The following WDHD1 variants were observed in gnomAD, a reference collection of about 807,000 sequenced individuals.
WDHD1 encodes WD repeat and HMG-box DNA binding protein 1.
In WDHD1, 111 loss-of-function variants were observed where a neutral mutation model predicts 135.4. The ratio of observed to expected loss-of-function variants is 0.82; its 90% CI spans 0.70 to 0.96. The LOEUF (loss-of-function observed/expected upper bound fraction) is 0.96, where lower values mean the gene tolerates loss of function less well. Among genes scored for constraint, WDHD1 ranks in the 40% least tolerant of loss-of-function variants. The pLI is 0.00. For synonymous variants in WDHD1, 434 were observed against 439.0 expected, an observed-to-expected ratio of 0.99 and a Z score of 0.14; for missense variants, 1,351 against 1,336.3, an observed-to-expected ratio of 1.01 and a Z score of -0.17.
At chr14:54,990,716 T>C (rs1239049824) in intron 12 of WDHD1, among the ~76,000 whole-genome samples, 1 of 152,124 alleles carries the variant, frequency 6.6e-6, no homozygotes, top group Non-Finnish European at 1.5e-5. Flanking sequence ...TAAGAACATA[T>C]CAGTAAACAA....
chr14:54,971,712 C>CAAAAAAAAAAAA (rs1195129802), intron 16 of WDHD1, among the ~76,000 whole-genome samples: 1 of 42,278 alleles, frequency 2.4e-5, no homozygotes. Flanking sequence ...GACTCTGCCT[C>CAAAAAAAAAAAA]AAAAAAAAAA....
At chr14:55,019,364 C>T (rs2042308251) in intron 2 of WDHD1, among the ~76,000 whole-genome samples, 1 of 151,732 alleles carries the variant, frequency 6.6e-6, no homozygotes, top group South Asian at 2.1e-4. Context: ...AAAATTATAC[C>T]TTTGTTTCAA....
intron 16 of WDHD1, among the ~76,000 whole-genome samples, chr14:54,975,492 C>T (rs1008968702): frequency 2.0e-5 from 3 of 152,036 alleles, no homozygotes; most frequent in Non-Finnish European, 2.9e-5. Flanking sequence ...GGATTACAGG[C>T]ATCTGCCACC....
At position 55,000,511 on chromosome 14, in the gene WDHD1, T is replaced by C. The variant is rs377638427; in HGVS notation, c.934A>G (p.Ser312Gly). ...NVCDPSGKTSSSKVSSRVEKD... is the reference protein window; with the variant it reads ...NVCDPSGKTSGSKVSSRVEKD... Reference sequence around the variant, plus strand: ...ACCATACTCCCTTTTACCTTACTGCTTGATGTCTTTCCACTGGGGTCACAA... The same window carrying C: ...ACCATACTCCCTTTTACCTTACTGCCTGATGTCTTTCCACTGGGGTCACAA... The change falls in exon 10 of 26, where the codon AGC (serine) becomes GGC (glycine). Residue 312 changes from serine to glycine, a missense_variant. Physicochemically the swap from Ser to Gly is moderately conservative, Grantham distance 56. Transcript: ENST00000360586. The C allele has an allele frequency of 2.7e-5, 44 of 1,603,774 alleles. No individual in the cohort carries two copies. Among genetic ancestry groups the C allele is most frequent in the Non-Finnish European group, 3.5e-5 (41 of 1,174,860 alleles).
intron 2 of WDHD1, among the ~76,000 whole-genome samples, chr14:55,018,931 G>A (rs1407234183): frequency 6.6e-6 from 1 of 152,224 alleles, no homozygotes; most frequent in African/African-American, 2.4e-5. Flanking sequence ...GCTGAGGCAG[G>A]AGAATTGCTT....
intron 16 of WDHD1, among the ~76,000 whole-genome samples, chr14:54,970,621 C>CAAA (rs202021020): frequency 4.6e-5 from 6 of 130,640 alleles, no homozygotes; most frequent in Admixed American, 1.6e-4. Flanking sequence ...GTCACAGCAC[C>CAAA]AAAAAAAAAA....
chr14:54,986,170 A>G (rs1420657246), intron 14 of WDHD1, among the ~76,000 whole-genome samples: 1 of 152,328 alleles, frequency 6.6e-6, no homozygotes, highest in East Asian at 1.9e-4. Flanking sequence ...TTTTGACCTA[A>G]GAGTCATGGA....
At chr14:54,984,376 T>C (rs2041664942) in intron 15 of WDHD1, among the ~76,000 whole-genome samples, 2 of 152,134 alleles carry the variant, frequency 1.3e-5, no homozygotes, top group Non-Finnish European at 2.9e-5. Flanking sequence ...ATGCCTGTAG[T>C]CCCAGCTACT....
chr14:55,021,797 C>T (rs2042352967), intron 2 of WDHD1, among the ~76,000 whole-genome samples: 2 of 152,224 alleles, frequency 1.3e-5, no homozygotes, highest in South Asian at 4.1e-4. Context: ...ACTGGCTCTG[C>T]TGTCAATCTT....
In WDHD1 at chr14:54,991,350, C is replaced by A. The variant is rs1566730699; in HGVS notation, c.1204G>T (p.Asp402Tyr). ...TTGTGAATGCTGCCTTCTTGACCATCTTCCTCCTCCTCTTTGAGAAGACTA... is the reference window on the plus strand; with the variant it reads ...TTGTGAATGCTGCCTTCTTGACCATATTCCTCCTCCTCTTTGAGAAGACTA... ...GSSLLKEEEE[D>Y]GQEGSIHNLP... The change falls in exon 12 of 26, where the codon GAT becomes TAT. Residue 402 changes from aspartate to tyrosine, a missense_variant. This residue lies in a region of WDHD1 where 1,330 missense variants were observed against 1,296.1 expected (regional missense o/e 1.03). Coordinates refer to ENST00000360586, the MANE Select transcript of WDHD1 (RefSeq NM_007086.4). 1 of 1,614,186 alleles carries A rather than the reference C, an allele frequency of 6.2e-7. No homozygotes were observed. Among genetic ancestry groups the A allele is most frequent in the Non-Finnish European group, 8.5e-7 (1 of 1,180,030 alleles).
intron 2 of WDHD1, among the ~76,000 whole-genome samples, chr14:55,017,299 T>C (rs2042276777): frequency 6.6e-6 from 1 of 152,210 alleles, no homozygotes. Flanking sequence ...AATAACTACA[T>C]ATTAATTTTA....
At chr14:54,967,441 T>A (rs2041363287) in intron 16 of WDHD1, 47 bp from the exon 17 acceptor site, 4 of 1,416,268 alleles carry the variant, frequency 2.8e-6, no homozygotes, top group Non-Finnish European at 2.9e-6. Context: ...TAACATGTCA[T>A]AAAAACTACA....
intron 1 of WDHD1, 83 bp downstream of exon 1, chr14:55,026,945 A>C: frequency 2.8e-6 from 2 of 713,254 alleles, no homozygotes. Context: ...CAGCGGGATA[A>C]GGCAGAGGGT....
intron 24 of WDHD1, among the ~76,000 whole-genome samples, chr14:54,946,886 A>T (rs1318377347): frequency 6.6e-6 from 1 of 152,180 alleles, no homozygotes; most frequent in African/African-American, 2.4e-5. Context: ...CTACCAAAAA[A>T]TAACAAAATT....
At position 54,981,661 on chromosome 14, in the gene WDHD1, G is replaced by A. The variant is rs761619725; in HGVS notation, c.1942C>T (p.Arg648Ter). 38 of 1,610,522 alleles carry A rather than the reference G, an allele frequency of 2.4e-5. No individual in the cohort carries two copies. The highest frequency in any genetic ancestry group is 2.7e-5 in the African/African-American group (2 of 74,782). The change falls in exon 16 of 26, where the codon CGA (arginine) becomes TGA (stop). Residue 648 changes from arginine to a stop codon, truncating the protein, a stop_gained. Transcript: ENST00000360586. LOFTEE classifies it high-confidence loss of function. ...PCYVDSEGIVRMLNRGLGNTW... is the reference protein window; with the variant it reads ...PCYVDSEGIV ...TTACCAAGTCCTCTGTTAAGCATTCGAACAATTCCTTCTGAATCCACGTAA... is the reference window on the plus strand; with the variant it reads ...TTACCAAGTCCTCTGTTAAGCATTCAAACAATTCCTTCTGAATCCACGTAA...
intron 21 of WDHD1, among the ~76,000 whole-genome samples, chr14:54,959,791 C>CA (rs1205670670): frequency 6.6e-6 from 1 of 151,808 alleles, no homozygotes; most frequent in African/African-American, 2.4e-5. Context: ...CGCACCCCCC[C>CA]CACCAAACAA....
chr14:54,967,220 G>T, intron 17 of WDHD1, 60 bp downstream of exon 17: 1 of 1,267,740 alleles, frequency 7.9e-7, no homozygotes, highest in Non-Finnish European at 1.1e-6. Context: ...ATTTTAAAGT[G>T]TGTGTATCAC....
intron 24 of WDHD1, among the ~76,000 whole-genome samples, chr14:54,946,749 A>C (rs1365054958): frequency 6.6e-6 from 1 of 152,208 alleles, no homozygotes; most frequent in Non-Finnish European, 1.5e-5. Flanking sequence ...TGGCCTTCCA[A>C]AGTGTTAGGC....
chr14:54,961,000 T>A (rs1159671320), intron 21 of WDHD1, among the ~76,000 whole-genome samples: 6 of 152,000 alleles, frequency 3.9e-5, no homozygotes, highest in African/African-American at 7.3e-5. Flanking sequence ...AGAGATAGGG[T>A]TTCATTGTTT....
Sources: gnomAD v4.1 joint callset for allele counts (sites outside exome capture counted in the v4.1 genomes callset) on GRCh38, gnomAD v4.1.1 for gene constraint, gnomAD v4.1.1 regional missense constraint, MANE v1.5 for transcripts, NCBI Gene and HGNC (gene_info 2026-07-23, HGNC 2026-07-21) for gene names.